Variants in APLP2 observed in about 807,000 individuals in gnomAD.
The protein encoded by APLP2 is CDEI box-binding protein.
APLP2 carries 53 observed loss-of-function variants against 89.9 expected under a neutral mutation model. The observed-to-expected ratio is 0.59, with a 90% CI of 0.47 to 0.74. The LOEUF (loss-of-function observed/expected upper bound fraction) is 0.74. Ranked by LOEUF, APLP2 falls within the 30% of genes least tolerant of loss-of-function variation. APLP2 has a pLI of 0.00. For missense variants in APLP2, 973 were observed against 975.9 expected (o/e 1.00, Z 0.04); for synonymous variants, 372 against 348.6 (o/e 1.07, Z -0.75).
rs1161335035 is a variant in APLP2 at position 130,123,949 on chromosome 11, G to C, written c.1090+170G>C. On this transcript the variant is annotated intron_variant, in intron 7 of 16. Transcript: ENST00000338167. The surrounding 1 kb of genome is among the most constrained non-coding windows in gnomAD (Gnocchi z 4.0). Reference sequence around the variant, plus strand: ...TTCTAGATCTAGGCTTTGCTCTCCTGCCGGCAGTGGTAAGCTCAGTTCTCG... The same window carrying C: ...TTCTAGATCTAGGCTTTGCTCTCCTCCCGGCAGTGGTAAGCTCAGTTCTCG... Among the ~76,000 whole-genome samples, 1 of 152,132 alleles carries C rather than the reference G, an allele frequency of 6.6e-6. No individual in the cohort carries two copies. Among genetic ancestry groups the C allele is most frequent in the East Asian group, 1.9e-4 (1 of 5,182 alleles).
At chr11:130,108,721 A>G (rs555792074) in intron 1 of APLP2, 1 of 152,356 alleles carries the variant, frequency 6.6e-6, no homozygotes, top group South Asian at 2.1e-4. Context: ...TACCCAATGG[A>G]TTATAAATCA....
intron 3 of APLP2, among the ~76,000 whole-genome samples, chr11:130,118,513 A>G (rs1414424322): frequency 1.3e-5 from 2 of 152,228 alleles, no homozygotes; most frequent in African/African-American, 4.8e-5. Flanking sequence ...TCAACCCTGC[A>G]TATACTTTTC....
intron 3 of APLP2, chr11:130,114,181 T>C (rs892944722): frequency 2.0e-5 from 3 of 152,242 alleles, no homozygotes; most frequent in Non-Finnish European, 4.4e-5. Flanking sequence ...CAGGATCTAA[T>C]CTAAGATTAC....
chr11:130,122,213 T>C, intron 5 of APLP2, 92 bp from the exon 6 acceptor site: 1 of 1,442,894 alleles, frequency 6.9e-7, no homozygotes, highest in Admixed American at 1.9e-5. Context: ...TTCCTGCCTC[T>C]GTTTTTGTGT....
intron 3 of APLP2, among the ~76,000 whole-genome samples, chr11:130,116,161 ATAAGG>A (rs958694211): frequency 1.3e-5 from 2 of 152,128 alleles, no homozygotes; most frequent in African/African-American, 4.8e-5. Flanking sequence ...TGAATAAAAG[ATAAGG>A]TTGGGAGAAA....
At chr11:130,100,935 T>C (rs973137030) in intron 1 of APLP2, among the ~76,000 whole-genome samples, 2 of 152,238 alleles carry the variant, frequency 1.3e-5, no homozygotes, top group Non-Finnish European at 2.9e-5. Flanking sequence ...CGGAAAATGC[T>C]TAACAAGAAT....
intron 10 of APLP2, 87 bp from the exon 11 acceptor site, chr11:130,129,951 C>A: frequency 6.8e-7 from 1 of 1,470,808 alleles, no homozygotes; most frequent in Non-Finnish European, 9.4e-7. Flanking sequence ...GCTTTACATT[C>A]TTAAGTGAAC....
chr11:130,070,741 G>A (rs1033117308), intron 1 of APLP2: 4 of 1,449,600 alleles, frequency 2.8e-6, no homozygotes, highest in South Asian at 1.3e-5. Context: ...GAGGAAACCC[G>A]CTCTGGGTGC....
At chr11:130,089,729 A>T (rs940905761) in intron 1 of APLP2, among the ~76,000 whole-genome samples, 1 of 151,996 alleles carries the variant, frequency 6.6e-6, no homozygotes, top group Admixed American at 6.5e-5. Context: ...GCAGGACTGG[A>T]CTCCTTCTGA....
intron 4 of APLP2, 99 bp from the exon 5 acceptor site, chr11:130,121,515 T>C (rs1949815200): frequency 1.5e-6 from 2 of 1,366,692 alleles, no homozygotes; most frequent in South Asian, 4.7e-5. Context: ...CATTGCTAAG[T>C]GATTTGATAA....
At chr11:130,070,512 G>A in intron 1 of APLP2, 1 of 1,220,192 alleles carries the variant, frequency 8.2e-7, no homozygotes, top group Non-Finnish European at 1.0e-6. Flanking sequence ...ACGCTCCCTC[G>A]CGCGGCACCG....
At chr11:130,075,605 T>C (rs1449202812) in intron 1 of APLP2, among the ~76,000 whole-genome samples, 1 of 152,196 alleles carries the variant, frequency 6.6e-6, no homozygotes, top group Non-Finnish European at 1.5e-5. Context: ...ATGATTCTAA[T>C]GTGCAAGGAG....
chr11:130,079,568 G>T (rs1225116115), intron 1 of APLP2, among the ~76,000 whole-genome samples: 1 of 152,082 alleles, frequency 6.6e-6, no homozygotes, highest in African/African-American at 2.4e-5. Flanking sequence ...TTGTGTGTTT[G>T]TGAAAAATAC....
intron 1 of APLP2, chr11:130,070,795 C>G (rs1433651277): frequency 7.5e-7 from 1 of 1,328,326 alleles, no homozygotes; most frequent in Non-Finnish European, 9.7e-7. Context: ...GGAAGGTGCC[C>G]GCGAAGGCGT....
At chr11:130,070,504 GC>G in intron 1 of APLP2, 1 of 1,198,530 alleles carries the variant, frequency 8.3e-7, no homozygotes, top group Non-Finnish European at 1.0e-6. Flanking sequence ...GACCCCGTAC[GC>G]TCCCTCGCGC....
At position 130,141,867 on chromosome 11, in the gene APLP2, C is replaced by T. The variant is rs999804714; in HGVS notation, c.1999-52C>T. On this transcript the variant is annotated intron_variant, in intron 15 of 16. Transcript: ENST00000338167. The surrounding 1 kb of genome is among the most constrained non-coding windows in gnomAD (Gnocchi z 4.2). ...GGCCCTCAGTGAGTTACTTGCCTCA[C>T]GGCTGCCAGATGGTCACTGGGACTT... 50 of 1,561,524 alleles carry T rather than the reference C, an allele frequency of 3.2e-5. No homozygotes were observed. Among genetic ancestry groups the T allele is most frequent in the South Asian group, 1.7e-4 (14 of 83,754 alleles).
At chr11:130,086,133 G>C (rs1416460348) in intron 1 of APLP2, among the ~76,000 whole-genome samples, 1 of 152,240 alleles carries the variant, frequency 6.6e-6, no homozygotes, top group Non-Finnish European at 1.5e-5. Context: ...TTTCCACAGT[G>C]ACTTTACTGT....
chr11:130,139,858 G>A (rs1339557081), intron 13 of APLP2, among the ~76,000 whole-genome samples: 2 of 152,136 alleles, frequency 1.3e-5, no homozygotes, highest in Non-Finnish European at 2.9e-5. Context: ...ACAGACTGTT[G>A]TCATTACTGT....
At chr11:130,101,990 A>C (rs1039719968) in intron 1 of APLP2, 1 of 456,162 alleles carries the variant, frequency 2.2e-6, no homozygotes, top group Admixed American at 2.3e-5. Flanking sequence ...CTCATTGTGG[A>C]TGAGATTAAT....
Sources: allele counts gnomAD v4.1 joint callset (sites outside exome capture counted in the v4.1 genomes callset), GRCh38; gene constraint gnomAD v4.1.1; non-coding constraint Gnocchi (gnomAD v3.1); transcripts MANE v1.5; gene names NCBI Gene and HGNC (gene_info 2026-07-23, HGNC 2026-07-21).